Variants in RAB11FIP4 observed in about 807,000 individuals in gnomAD.
RAB11FIP4 encodes the protein RAB11 family interacting protein 4.
In RAB11FIP4, 23 loss-of-function variants were observed where a neutral mutation model predicts 74.3. The ratio of observed to expected loss-of-function variants is 0.31; its 90% confidence interval spans 0.22 to 0.44. RAB11FIP4 has a LOEUF of 0.44. Among genes scored for constraint, RAB11FIP4 ranks in the 20% least tolerant of loss-of-function variants. The pLI, the probability that RAB11FIP4 is intolerant of heterozygous loss-of-function variation, is 1.00. For missense variants in RAB11FIP4, 630 were observed against 863.9 expected, an observed-to-expected ratio of 0.73 and a Z score of 3.39; for synonymous variants, 360 against 359.9, an observed-to-expected ratio of 1.00 and a Z score of 0.00.
chr17:31,498,197 C>A (rs1457452985), intron 3 of RAB11FIP4, among the ~76,000 whole-genome samples: 1 of 152,108 alleles, frequency 6.6e-6, no homozygotes, highest in Non-Finnish European at 1.5e-5. Flanking sequence ...ACCCCATGAG[C>A]CCCTAATGCC....
At chr17:31,477,527 C>T (rs1452353979) in intron 3 of RAB11FIP4, among the ~76,000 whole-genome samples, 3 of 152,206 alleles carry the variant, frequency 2.0e-5, no homozygotes, top group African/African-American at 4.8e-5. Flanking sequence ...AAGAGCAGCG[C>T]GGGCGTCAGA....
At chr17:31,406,717 G>A (rs2071045356) in intron 1 of RAB11FIP4, among the ~76,000 whole-genome samples, 1 of 152,076 alleles carries the variant, frequency 6.6e-6, no homozygotes, top group East Asian at 1.9e-4. Context: ...ATTTATCAAG[G>A]GGAATTTTTG....
In RAB11FIP4 at chr17:31,537,729, C is replaced by A. The variant is rs2072990145; in HGVS notation, c.*5997C>A. On this transcript the variant is annotated 3_prime_UTR_variant, in exon 15 of 15. Coordinates refer to ENST00000621161, the MANE Select transcript of RAB11FIP4 (RefSeq NM_032932.6). ...GAAGAGGTGCTAGCTGCTGCCCCTG[C>A]CTGCTGTGAACACCTGCCCAGCCCT... is the stretch of plus-strand genomic sequence containing the variant. 1 of 153,540 alleles carries A rather than the reference C, an allele frequency of 6.5e-6. No homozygotes were observed. The highest frequency in any genetic ancestry group is 1.5e-5 in the Non-Finnish European group (1 of 68,722). 9.5% of individuals were successfully genotyped at this position (153,540 alleles called of 1,614,324 possible). A position where few individuals can be genotyped will look rare whatever the true frequency, so the allele number is the denominator to read the frequency against.
intron 1 of RAB11FIP4, among the ~76,000 whole-genome samples, chr17:31,398,166 G>A (rs984016989): frequency 6.6e-6 from 1 of 152,158 alleles, no homozygotes; most frequent in Non-Finnish European, 1.5e-5. Context: ...AGCCTCCCGA[G>A]TAGCTGGGAT....
chr17:31,493,251 A>G (rs2072046227), intron 3 of RAB11FIP4, among the ~76,000 whole-genome samples: 1 of 152,210 alleles, frequency 6.6e-6, no homozygotes, highest in South Asian at 2.1e-4. Flanking sequence ...TCAGATGAAA[A>G]CAAAGCTCTG....
chr17:31,482,374 C>T (rs2071858212), intron 3 of RAB11FIP4, among the ~76,000 whole-genome samples: 1 of 152,078 alleles, frequency 6.6e-6, no homozygotes, highest in East Asian at 1.9e-4. Context: ...AGGCAGATCA[C>T]TTGAGGCCAG....
chr17:31,519,543 A>G (rs1347911818), intron 4 of RAB11FIP4, among the ~76,000 whole-genome samples: 1 of 152,118 alleles, frequency 6.6e-6, no homozygotes, highest in Non-Finnish European at 1.5e-5. Context: ...AGCTGCCACC[A>G]TTGTGGCTGA....
intron 3 of RAB11FIP4, among the ~76,000 whole-genome samples, chr17:31,509,932 C>T (rs968703577): frequency 6.6e-6 from 1 of 152,174 alleles, no homozygotes; most frequent in African/African-American, 2.4e-5. Context: ...GCCTGGGCAA[C>T]TCTCTGTTGA....
chr17:31,537,071 C>T lies in RAB11FIP4; in HGVS notation c.*5339C>T. Reference sequence around the variant, plus strand: ...AGGGTGACCCTGCCTCCTGCTGGGGCCCATCCGCTTTGCTGTGCTGCACAG... The same window carrying T: ...AGGGTGACCCTGCCTCCTGCTGGGGTCCATCCGCTTTGCTGTGCTGCACAG... On this transcript the variant is annotated 3_prime_UTR_variant, in exon 15 of 15. Transcript: ENST00000621161. 2.5e-6 allele frequency: 1 copy of T among 399,452 alleles called. No homozygotes were observed. The highest frequency in any genetic ancestry group is 4.4e-6 in the Non-Finnish European group (1 of 226,274). The allele number at this position is 399,452 out of a possible 1,614,324, so 24.7% of individuals were successfully genotyped here.
intron 10 of RAB11FIP4, 157 bp downstream of exon 10, chr17:31,525,387 G>C (rs1050355656): frequency 2.9e-6 from 2 of 687,424 alleles, no homozygotes; most frequent in Non-Finnish European, 4.9e-6. Flanking sequence ...TTAATACCAC[G>C]AGAAACACAG....
chr17:31,397,440 G>A (rs889799943), intron 1 of RAB11FIP4, among the ~76,000 whole-genome samples: 1 of 152,240 alleles, frequency 6.6e-6, no homozygotes, highest in Non-Finnish European at 1.5e-5. Flanking sequence ...CCCAAAAGGT[G>A]ATAGTTAAAG....
chr17:31,524,103 C>T, intron 9 of RAB11FIP4, 107 bp downstream of exon 9: 1 of 775,710 alleles, frequency 1.3e-6, no homozygotes, highest in Non-Finnish European at 2.2e-6. Flanking sequence ...CTTTGCAGCT[C>T]TGAGGGTCTG....
At chr17:31,407,423 T>C (rs2071053498) in intron 1 of RAB11FIP4, among the ~76,000 whole-genome samples, 1 of 152,216 alleles carries the variant, frequency 6.6e-6, no homozygotes, top group African/African-American at 2.4e-5. Flanking sequence ...TTTGTTTTGC[T>C]TGAACCATTT....
At chr17:31,423,913 C>T (rs1258937467) in intron 1 of RAB11FIP4, among the ~76,000 whole-genome samples, 1 of 151,964 alleles carries the variant, frequency 6.6e-6, no homozygotes, top group Non-Finnish European at 1.5e-5. Context: ...TTTAGGTCCC[C>T]CTGTGTGACT....
intron 3 of RAB11FIP4, among the ~76,000 whole-genome samples, chr17:31,488,618 G>A (rs1197172921): frequency 6.6e-6 from 1 of 152,216 alleles, no homozygotes; most frequent in Non-Finnish European, 1.5e-5. Context: ...CCCTTGGGCC[G>A]GGTCCCCGAG....
At chr17:31,404,318 C>G (rs552136042) in intron 1 of RAB11FIP4, among the ~76,000 whole-genome samples, 5 of 152,370 alleles carry the variant, frequency 3.3e-5, no homozygotes, top group Non-Finnish European at 7.3e-5. Flanking sequence ...GCCCCGTCCC[C>G]ACTTCCACTT....
intron 13 of RAB11FIP4, 23 bp from the exon 14 acceptor site, chr17:31,530,303 C>A: frequency 6.2e-7 from 1 of 1,611,286 alleles, no homozygotes; most frequent in South Asian, 1.1e-5. Context: ...GGGTTGATGT[C>A]GCCTTCGTCC....
intron 3 of RAB11FIP4, among the ~76,000 whole-genome samples, chr17:31,440,739 A>G (rs944411299): frequency 3.9e-5 from 6 of 152,376 alleles, no homozygotes; most frequent in Middle Eastern, 3.4e-3. Flanking sequence ...ATTGCGCTTA[A>G]GCCTTGGCGA....
In RAB11FIP4 at chr17:31,517,812, G is replaced by A. The variant is rs78350609; in HGVS notation, c.498G>A (p.Glu166=). The change falls in exon 4 of 15, where the codon GAG becomes GAA. Residue 166 remains glutamate, a synonymous_variant. Coordinates refer to ENST00000621161, the MANE Select transcript of RAB11FIP4 (RefSeq NM_032932.6). ...CCATGGAGAGCACTCAGAGCCTGGA[G>A]GGGTCTGTCGGGAGTCCTGCCGAGA... ...DSPMESTQSL[E]GSVGSPAEKD... 1,907 of 1,552,952 alleles carry A rather than the reference G, an allele frequency of 1.2e-3. 8 individuals are homozygous for A. The highest frequency in any genetic ancestry group is 7.2e-3 in the East Asian group (295 of 41,186).
Sources: gnomAD v4.1 joint callset for allele counts (sites outside exome capture counted in the v4.1 genomes callset) on GRCh38, gnomAD v4.1.1 for gene constraint, MANE v1.5 for transcripts, NCBI Gene and HGNC (gene_info 2026-07-23, HGNC 2026-07-21) for gene names.